CAMK1D: variants seen among roughly 807,000 people sequenced by gnomAD.
CAMK1D encodes the protein calcium/calmodulin-dependent protein kinase type 1D.
A neutral mutation model predicts 47.7 loss-of-function variants in CAMK1D; 9 were observed. That is an observed-to-expected ratio of 0.19 (90% CI 0.11 to 0.33). The LOEUF is 0.33. Ranked by LOEUF, CAMK1D falls within the 10% of genes least tolerant of loss-of-function variation. The pLI, the probability that CAMK1D is intolerant of heterozygous loss-of-function variation, is 1.00. For synonymous variants in CAMK1D, 184 were observed against 184.9 expected, an observed-to-expected ratio of 0.99 and a Z score of 0.04; for missense variants, 291 against 488.7, an observed-to-expected ratio of 0.60 and a Z score of 3.81.
intron 1 of CAMK1D, among the ~76,000 whole-genome samples, chr10:12,551,070 C>G (rs1365852815): frequency 6.6e-6 from 1 of 152,202 alleles, no homozygotes; most frequent in East Asian, 1.9e-4. Flanking sequence ...GTCCCCAACC[C>G]CTGGGCCATG....
At chr10:12,530,657 A>G (rs1052785327) in intron 1 of CAMK1D, among the ~76,000 whole-genome samples, 6 of 152,134 alleles carry the variant, frequency 3.9e-5, no homozygotes, top group African/African-American at 1.4e-4. Context: ...GGGTCTGGGG[A>G]GGCAGCGGTT....
intron 1 of CAMK1D, among the ~76,000 whole-genome samples, chr10:12,434,243 C>G (rs1832566363): frequency 6.6e-6 from 1 of 152,216 alleles, no homozygotes; most frequent in Non-Finnish European, 1.5e-5. Context: ...CTAATTGTGA[C>G]TGGGTACAGG....
At chr10:12,685,478 C>T (rs1832624516) in intron 3 of CAMK1D, among the ~76,000 whole-genome samples, 1 of 152,112 alleles carries the variant, frequency 6.6e-6, no homozygotes, top group South Asian at 2.1e-4. Flanking sequence ...AGAAGAGCCA[C>T]CAGGACTCAA....
chr10:12,560,060 C>T (rs1836887879), intron 2 of CAMK1D, among the ~76,000 whole-genome samples: 1 of 152,134 alleles, frequency 6.6e-6, no homozygotes, highest in Non-Finnish European at 1.5e-5. Flanking sequence ...GCAGCTTCTG[C>T]AGCCAAAGAA....
intron 2 of CAMK1D, among the ~76,000 whole-genome samples, chr10:12,616,056 T>C (rs1260031278): frequency 6.6e-6 from 1 of 151,470 alleles, no homozygotes; most frequent in African/African-American, 2.4e-5. Flanking sequence ...CACGTGTTGG[T>C]TTATGATAGG....
intron 1 of CAMK1D, among the ~76,000 whole-genome samples, chr10:12,416,816 G>T (rs753585641): frequency 2.0e-5 from 3 of 152,208 alleles, no homozygotes; most frequent in African/African-American, 7.2e-5. Flanking sequence ...TTACTCCAGG[G>T]CTTCCCCTTT....
intron 5 of CAMK1D, among the ~76,000 whole-genome samples, chr10:12,772,153 CAT>C (rs1837070618): frequency 1.3e-5 from 2 of 152,044 alleles, no homozygotes; most frequent in South Asian, 2.1e-4. Flanking sequence ...GCCTGGGGGA[CAT>C]GTGCCTGGGG....
intron 1 of CAMK1D, among the ~76,000 whole-genome samples, chr10:12,372,610 G>T (rs976390450): frequency 7.9e-5 from 12 of 152,174 alleles, no homozygotes; most frequent in African/African-American, 2.9e-4. Flanking sequence ...TAGGGAATGG[G>T]AGTAATTTTT....
intron 6 of CAMK1D, among the ~76,000 whole-genome samples, chr10:12,799,779 C>G (rs1422438845): frequency 6.6e-6 from 1 of 152,150 alleles, no homozygotes; most frequent in Non-Finnish European, 1.5e-5. Flanking sequence ...TCCGGGCTTT[C>G]TCGAGGTGGT....
At chr10:12,814,412 CCTGAGGGT>C in intron 7 of CAMK1D, 105 bp downstream of exon 7, 1 of 638,612 alleles carries the variant, frequency 1.6e-6, no homozygotes, top group South Asian at 2.0e-5. Context: ...TCAGAACAGT[CCTGAGGGT>C]CCTGTCTTGG....
At chr10:12,803,932 G>A (rs1838599048) in intron 6 of CAMK1D, among the ~76,000 whole-genome samples, 1 of 152,188 alleles carries the variant, frequency 6.6e-6, no homozygotes, top group Non-Finnish European at 1.5e-5. Flanking sequence ...CTGGGAGCGG[G>A]AGGCGCCACC....
chr10:12,564,086 T>G (rs983807761), intron 2 of CAMK1D, among the ~76,000 whole-genome samples: 6 of 152,194 alleles, frequency 3.9e-5, no homozygotes, highest in Admixed American at 3.3e-4. Context: ...TATCTAGATA[T>G]CTATCTAGAT....
rs3995677 is a variant in CAMK1D, at chr10:12,830,926, AAC to A, written c.*2077_*2078del. The A allele has an allele frequency of 3.9e-3, 404 of 103,764 alleles. 5 individuals are homozygous for A. The East Asian group carries it at 0.04, about 10-fold the overall frequency. The allele number at this position is 103,764 out of a possible 1,614,324, so 6.4% of individuals were successfully genotyped here. On this transcript the variant is annotated 3_prime_UTR_variant, in exon 11 of 11. Coordinates refer to ENST00000619168, the MANE Select transcript of CAMK1D (RefSeq NM_153498.4). ...GTGATGCCCCCCCACCCTCTCAATAAACACACACACACACACACACACACACA... is the reference window on the plus strand; with the variant it reads ...GTGATGCCCCCCCACCCTCTCAATAAACACACACACACACACACACACACA...
rs571590034 is a variant in CAMK1D at position 12,617,993 on chromosome 10, C to G, written c.225-48743C>G. ...GAATTATCTCTTTAATTGCTACCTC[C>G]TCAGTAAGGTTCAGGGTAGAATGCT... On this transcript the variant is annotated intron_variant, in intron 2 of 10. Transcript: ENST00000619168. Among the ~76,000 whole-genome samples, 6 of 152,266 alleles carry G rather than the reference C, an allele frequency of 3.9e-5. No homozygotes were observed. In the South Asian group the frequency reaches 1.0e-3, roughly 26 times the overall value.
intron 1 of CAMK1D, among the ~76,000 whole-genome samples, chr10:12,499,778 C>T (rs919973436): frequency 3.3e-5 from 5 of 152,168 alleles, no homozygotes; most frequent in East Asian, 1.9e-4. Context: ...TTAGCAGCCC[C>T]GTTACATAAC....
At chr10:12,460,402 A>T (rs1044462940) in intron 1 of CAMK1D, among the ~76,000 whole-genome samples, 3 of 151,986 alleles carry the variant, frequency 2.0e-5, no homozygotes, top group African/African-American at 7.2e-5. Context: ...TTGGGACTAC[A>T]GGTCTGCACT....
At chr10:12,665,193 T>C (rs1415364298) in intron 2 of CAMK1D, among the ~76,000 whole-genome samples, 1 of 152,242 alleles carries the variant, frequency 6.6e-6, no homozygotes, top group Non-Finnish European at 1.5e-5. Context: ...GTGAATTTAG[T>C]ATAATCTATT....
At chr10:12,674,286 A>C (rs1480269217) in intron 3 of CAMK1D, among the ~76,000 whole-genome samples, 1 of 152,010 alleles carries the variant, frequency 6.6e-6, no homozygotes, top group Non-Finnish European at 1.5e-5. Context: ...TTTTGTTTTT[A>C]TTTTGTTTTT....
At chr10:12,458,874 T>C (rs1190001858) in intron 1 of CAMK1D, among the ~76,000 whole-genome samples, 18 of 141,454 alleles carry the variant, frequency 1.3e-4, no homozygotes, top group Non-Finnish European at 4.5e-5. Context: ...TTCCTTCCTT[T>C]CTTTCCTTTT....
Sources: gnomAD v4.1 joint callset for allele counts (sites outside exome capture counted in the v4.1 genomes callset) on GRCh38, gnomAD v4.1.1 for gene constraint, MANE v1.5 for transcripts, NCBI Gene and HGNC (gene_info 2026-07-23, HGNC 2026-07-21) for gene names.